MTREX: variants seen among roughly 807,000 people sequenced by gnomAD.
MTREX encodes the protein exosome RNA helicase MTR4.
MTREX carries 76 observed loss-of-function variants against 135.4 expected under a neutral mutation model. The ratio of observed to expected loss-of-function variants is 0.56; its 90% CI spans 0.47 to 0.68. MTREX has a LOEUF of 0.68. Ranked by LOEUF, MTREX falls within the 30% of genes least tolerant of loss-of-function variation. The pLI is 0.00. For synonymous variants in MTREX, 404 were observed against 401.6 expected, an observed-to-expected ratio of 1.01 and a Z score of -0.07; for missense variants, 920 against 1,262.1, an observed-to-expected ratio of 0.73 and a Z score of 4.11.
intron 14 of MTREX, 120 bp downstream of exon 14, chr5:55,353,389 TAC>T (rs1579865025): frequency 5.2e-6 from 3 of 580,336 alleles, no homozygotes; most frequent in Middle Eastern, 3.7e-4. Context: ...CCTGAGCTAA[TAC>T]AGTTTCATCA....
rs764463984 is a variant in MTREX, at chr5:55,349,615, T to C, written c.1283T>C (p.Ile428Thr). Residue 428 changes from isoleucine (I) to threonine (T), a missense_variant, in exon 12 of 27, where the codon ATT becomes ACT. This residue lies in a region of MTREX where 101 missense variants were observed against 119.1 expected (regional missense o/e 0.85). Transcript: ENST00000230640. Reference sequence around the variant, plus strand: ...GTTGAAGAAGTATTCAGTAATGCAATTGATTGCTTATCCGATGAAGATAAA... The same window carrying C: ...GTTGAAGAAGTATTCAGTAATGCAACTGATTGCTTATCCGATGAAGATAAA... ...KMVEEVFSNAIDCLSDEDKKL... is the reference protein window; with the variant it reads ...KMVEEVFSNATDCLSDEDKKL... 11 of 1,605,680 alleles carry C rather than the reference T, an allele frequency of 6.9e-6. No homozygotes were observed. The highest frequency in any genetic ancestry group is 8.5e-6 in the Non-Finnish European group (10 of 1,172,766).
At chr5:55,373,498 G>C (rs1023420354) in intron 16 of MTREX, among the ~76,000 whole-genome samples, 2 of 152,142 alleles carry the variant, frequency 1.3e-5, no homozygotes, top group Non-Finnish European at 2.9e-5. Flanking sequence ...CTCCATCTCT[G>C]TGTGGACAAA....
intron 16 of MTREX, among the ~76,000 whole-genome samples, chr5:55,377,678 G>C (rs1343445660): frequency 6.6e-6 from 1 of 152,064 alleles, no homozygotes; most frequent in Non-Finnish European, 1.5e-5. Context: ...CAAAAAACCA[G>C]GGTGTGGCCT....
At chr5:55,409,899 C>CAATATATACATA (rs1750860070) in intron 22 of MTREX, among the ~76,000 whole-genome samples, 2 of 152,096 alleles carry the variant, frequency 1.3e-5, no homozygotes, top group Non-Finnish European at 2.9e-5. Flanking sequence ...CACTTTCAGC[C>CAATATATACATA]TTTGGAAAAT....
chr5:55,425,078 A>C lies in MTREX; in HGVS notation c.*306A>C. 1 of 1,249,692 alleles carries C rather than the reference A, an allele frequency of 8.0e-7. No individual in the cohort carries two copies. The allele number at this position is 1,249,692 out of a possible 1,614,324, so 77.4% of individuals were successfully genotyped here. ...CTATGTACACACAAAGTGTGCATCC[A>C]AGAGGCATAGCAGCAGCAGAAGTCT... is the stretch of plus-strand genomic sequence containing the variant. On this transcript the variant is annotated 3_prime_UTR_variant, in exon 27 of 27. Coordinates refer to ENST00000230640, the MANE Select transcript of MTREX (RefSeq NM_015360.5).
intron 20 of MTREX, among the ~76,000 whole-genome samples, chr5:55,399,607 C>T (rs1339699533): frequency 6.6e-6 from 1 of 152,180 alleles, no homozygotes; most frequent in African/African-American, 2.4e-5. Context: ...CTTGCCTCAG[C>T]CTCCCTAGTA....
chr5:55,415,657 ATTAG>A (rs1437116766), intron 24 of MTREX, among the ~76,000 whole-genome samples: 2 of 152,226 alleles, frequency 1.3e-5, no homozygotes, highest in African/African-American at 4.8e-5. Context: ...ATAATTAGAG[ATTAG>A]TTAAATGCTG....
intron 24 of MTREX, among the ~76,000 whole-genome samples, chr5:55,414,475 ATTG>A (rs1202082426): frequency 1.3e-5 from 2 of 152,122 alleles, no homozygotes; most frequent in Non-Finnish European, 1.5e-5. Context: ...ACTGTATAGC[ATTG>A]TTGTGAACAG....
At chr5:55,367,993 A>G (rs1164374197) in intron 16 of MTREX, among the ~76,000 whole-genome samples, 2 of 152,232 alleles carry the variant, frequency 1.3e-5, no homozygotes, top group Non-Finnish European at 2.9e-5. Flanking sequence ...TGTTTCACGA[A>G]TAAGTTTGCT....
chr5:55,319,471 C>G (rs1362815119), intron 1 of MTREX, among the ~76,000 whole-genome samples: 1 of 152,046 alleles, frequency 6.6e-6, no homozygotes, highest in African/African-American at 2.4e-5. Flanking sequence ...GCTAGTTATC[C>G]CAGTTTGGGT....
chr5:55,397,068 A>G (rs1202649812), intron 19 of MTREX, among the ~76,000 whole-genome samples: 1 of 152,208 alleles, frequency 6.6e-6, no homozygotes, highest in Non-Finnish European at 1.5e-5. Flanking sequence ...AGAGTCTTTC[A>G]TTCTTAGTAC....
chr5:55,388,189 A>C, intron 19 of MTREX, 87 bp downstream of exon 19: 1 of 1,151,662 alleles, frequency 8.7e-7, no homozygotes, highest in Non-Finnish European at 1.2e-6. Context: ...ATGGTAATGA[A>C]CATACTATCA....
intron 16 of MTREX, among the ~76,000 whole-genome samples, chr5:55,377,816 T>C (rs1750329120): frequency 6.6e-6 from 1 of 152,188 alleles, no homozygotes; most frequent in Non-Finnish European, 1.5e-5. Context: ...GACCTTCTGC[T>C]GCCTTCCTTT....
chr5:55,337,790 GT>G (rs143867703), intron 5 of MTREX, among the ~76,000 whole-genome samples: 39 of 146,740 alleles, frequency 2.7e-4, no homozygotes, highest in Non-Finnish European at 3.8e-4. Flanking sequence ...TATTTCTCAT[GT>G]TTTTTTTTTG....
At chr5:55,417,957 A>G (rs954520524) in intron 25 of MTREX, among the ~76,000 whole-genome samples, 3 of 151,634 alleles carry the variant, frequency 2.0e-5, no homozygotes, top group Non-Finnish European at 2.9e-5. Context: ...AAAGCAGGCC[A>G]GGCACGGTGG....
At chr5:55,353,371 A>G (rs888453265) in intron 14 of MTREX, 102 bp downstream of exon 14, 18 of 673,780 alleles carry the variant, frequency 2.7e-5, no homozygotes, top group Middle Eastern at 2.9e-4. Flanking sequence ...CCTACTTAAG[A>G]ACTTGAACCT....
intron 1 of MTREX, among the ~76,000 whole-genome samples, chr5:55,320,141 G>A (rs1749263911): frequency 6.6e-6 from 1 of 151,934 alleles, no homozygotes; most frequent in African/African-American, 2.4e-5. Context: ...GTTTTGCTAG[G>A]TATCAGAGAA....
At chr5:55,314,855 A>G (rs1169968371) in intron 1 of MTREX, among the ~76,000 whole-genome samples, 4 of 152,350 alleles carry the variant, frequency 2.6e-5, no homozygotes, top group Admixed American at 2.6e-4. Context: ...TAAGGAGTGC[A>G]CAACCTAAAT....
At chr5:55,379,606 A>ACACG (rs1479425739) in intron 18 of MTREX, among the ~76,000 whole-genome samples, 1 of 151,538 alleles carries the variant, frequency 6.6e-6, no homozygotes, top group Non-Finnish European at 1.5e-5. Context: ...ACACACACAC[A>ACACG]CACACTCAGA....
Sources: allele counts gnomAD v4.1 joint callset (sites outside exome capture counted in the v4.1 genomes callset), GRCh38; gene constraint gnomAD v4.1.1; regional missense constraint gnomAD v4.1.1; transcripts MANE v1.5; gene names NCBI Gene and HGNC (gene_info 2026-07-23, HGNC 2026-07-21).